The following UTRN variants were observed in gnomAD, a reference collection of about 807,000 sequenced individuals.
UTRN encodes the protein dystrophin-related protein 1.
UTRN carries 283 observed loss-of-function variants against 463.9 expected under a neutral mutation model. The observed-to-expected ratio is 0.61, with a 90% CI of 0.55 to 0.67. The LOEUF is 0.67. Ranked by LOEUF, UTRN falls within the 30% of genes least tolerant of loss-of-function variation. UTRN has a pLI of 0.00. For missense variants in UTRN, 3,922 were observed against 4,084.3 expected, an observed-to-expected ratio of 0.96 and a Z score of 1.08; for synonymous variants, 1,442 against 1,431.5, an observed-to-expected ratio of 1.01 and a Z score of -0.17.
chr6:144,439,830 A>G (rs80029245), intron 12 of UTRN, among the ~76,000 whole-genome samples: 3,629 of 152,192 alleles, frequency 0.024, 136 homozygotes, highest in Admixed American at 0.12. Context: ...CATGTATCCA[A>G]TGACTATGCT....
intron 19 of UTRN, among the ~76,000 whole-genome samples, chr6:144,456,514 A>T (rs571609098): frequency 1.3e-5 from 2 of 152,018 alleles, no homozygotes; most frequent in African/African-American, 4.8e-5. Flanking sequence ...TTAGCTGGGC[A>T]TGGTGGCACA....
chr6:144,839,204 C>A lies in UTRN; in HGVS notation c.10097C>A (p.Ser3366Tyr). 6.2e-7 allele frequency: 1 copy of A among 1,614,072 alleles called. No individual in the cohort carries two copies. Among genetic ancestry groups the A allele is most frequent in the East Asian group, 2.2e-5 (1 of 44,874 alleles). The change falls in exon 72 of 75, where the codon TCC becomes TAC. Residue 3366 changes from serine to tyrosine, a missense_variant. Physicochemically the swap from Ser to Tyr is moderately radical, Grantham distance 144 (BLOSUM62 -2). Transcript: ENST00000367545. Reference sequence around the variant, plus strand: ...TCTGATTCCCGAATCAATGGTGTTTCCCCATGGGCTTCTCCTCAGCATTCT... The same window carrying A: ...TCTGATTCCCGAATCAATGGTGTTTACCCATGGGCTTCTCCTCAGCATTCT... Reference protein sequence around the residue: ...PESDSRINGVSPWASPQHSAL... With the variant: ...PESDSRINGVYPWASPQHSAL...
Position 144,539,425 on chromosome 6 carries a change from A to G in UTRN, c.6501A>G (p.Val2167=). 6.2e-7 allele frequency: 1 copy of G among 1,608,760 alleles called. No homozygotes were observed. The change falls in exon 45 of 75, where the codon GTA becomes GTG. Residue 2167 remains valine (V), a synonymous_variant. Transcript: ENST00000367545. ...AAATTTCAGAAAGCTTAAGGACTGT[A>G]AATATGACATGGAATAAGGTGTGTG... ...RDKISESLRT[V]NMTWNKICRE...
chr6:144,412,067 A>T (rs1301260900), intron 3 of UTRN, among the ~76,000 whole-genome samples: 3 of 152,198 alleles, frequency 2.0e-5, no homozygotes, highest in African/African-American at 7.2e-5. Context: ...CACAGAGTTG[A>T]ATCATAAAAG....
At chr6:144,540,065 T>G (rs1258835031) in intron 45 of UTRN, among the ~76,000 whole-genome samples, 1 of 149,082 alleles carries the variant, frequency 6.7e-6, no homozygotes, top group Middle Eastern at 3.5e-3. Context: ...AAGAAATAAA[T>G]AAAGAAAATA....
chr6:144,310,652 C>T (rs922983315), intron 2 of UTRN, among the ~76,000 whole-genome samples: 5 of 151,860 alleles, frequency 3.3e-5, no homozygotes, highest in African/African-American at 1.2e-4. Flanking sequence ...GGGGGGCGTG[C>T]CTGTAATCCC....
At chr6:144,850,911 T>G in intron 74 of UTRN, 78 bp from the exon 75 acceptor site, 1 of 1,588,048 alleles carries the variant, frequency 6.3e-7, no homozygotes, top group Non-Finnish European at 8.6e-7. Context: ...ACTTTTATTT[T>G]CTTGAAGAAT....
At chr6:144,561,671 G>C (rs1206645728) in intron 50 of UTRN, among the ~76,000 whole-genome samples, 7 of 152,062 alleles carry the variant, frequency 4.6e-5, no homozygotes, top group Non-Finnish European at 1.0e-4. Context: ...TGCCTTCTGT[G>C]CTAACCTATA....
Position 144,386,888 on chromosome 6 carries a change from T to TA in UTRN, c.80-16226dup, listed in dbSNP as rs200611117. On this transcript the variant is annotated intron_variant, in intron 2 of 74. Coordinates refer to ENST00000367545, the MANE Select transcript of UTRN (RefSeq NM_007124.3). Reference sequence around the variant, plus strand: ...CAAATAAAGACAAAAAAACTCAATATAAAAAAAAACCAAAAACCACTTCCG... The same window carrying TA: ...CAAATAAAGACAAAAAAACTCAATATAAAAAAAAAACCAAAAACCACTTCCG... 4.9e-3 allele frequency among the ~76,000 whole-genome samples: 741 copies of TA among 151,414 alleles called. 5 individuals are homozygous for TA. Among genetic ancestry groups the TA allele is most frequent in the African/African-American group, 0.017 (691 of 41,294 alleles).
At chr6:144,792,416 G>C (rs992501432) in intron 62 of UTRN, among the ~76,000 whole-genome samples, 1 of 152,110 alleles carries the variant, frequency 6.6e-6, no homozygotes, top group Non-Finnish European at 1.5e-5. Flanking sequence ...GTGTGGTGGT[G>C]CATGCCTGTA....
intron 69 of UTRN, among the ~76,000 whole-genome samples, chr6:144,829,592 A>G (rs1355131197): frequency 6.6e-6 from 1 of 151,902 alleles, no homozygotes; most frequent in Non-Finnish European, 1.5e-5. Flanking sequence ...AATAATATCT[A>G]AAAGACTAAT....
In UTRN at chr6:144,720,958, G is replaced by A. The variant is rs575436020; in HGVS notation, c.7810-9399G>A. Among the ~76,000 whole-genome samples, 9 of 152,080 alleles carry A rather than the reference G, an allele frequency of 5.9e-5. No homozygotes were observed. The East Asian group carries it at 1.2e-3, about 20-fold the overall frequency. Reference sequence around the variant, plus strand: ...ATTTTTGCCTTCTCTTATGCCTAACGTATTTTTATATATTGTATATATTTG... The same window carrying A: ...ATTTTTGCCTTCTCTTATGCCTAACATATTTTTATATATTGTATATATTTG... On this transcript the variant is annotated intron_variant, in intron 53 of 74. Transcript: ENST00000367545.
At chr6:144,847,266 G>A (rs1013700435) in intron 74 of UTRN, among the ~76,000 whole-genome samples, 2 of 152,176 alleles carry the variant, frequency 1.3e-5, no homozygotes, top group Non-Finnish European at 2.9e-5. Context: ...GTTGGCAGCT[G>A]TACCCTTATG....
At chr6:144,806,602 CAGAGAAAG>C in intron 65 of UTRN, among the ~76,000 whole-genome samples, 1 of 102,090 alleles carries the variant, frequency 9.8e-6, no homozygotes, top group Non-Finnish European at 2.2e-5. Flanking sequence ...TCTGAAGCCA[CAGAGAAAG>C]ATGCATCTCT....
chr6:144,428,701 A>G, intron 7 of UTRN, 77 bp from the exon 8 acceptor site: 1 of 724,428 alleles, frequency 1.4e-6, no homozygotes, highest in Non-Finnish European at 2.1e-6. Flanking sequence ...TAAAACTAAA[A>G]TGTATTAGAT....
chr6:144,496,660 T>C (rs539610544), intron 33 of UTRN, among the ~76,000 whole-genome samples: 3 of 152,230 alleles, frequency 2.0e-5, no homozygotes, highest in Non-Finnish European at 4.4e-5. Context: ...TATCTCGTTG[T>C]CTAATGGAAC....
At chr6:144,719,326 C>G (rs1309934386) in intron 53 of UTRN, among the ~76,000 whole-genome samples, 1 of 152,132 alleles carries the variant, frequency 6.6e-6, no homozygotes, top group East Asian at 1.9e-4. Context: ...TGCCTGTGAT[C>G]ATAGCACTTT....
At chr6:144,666,242 G>C (rs1780384645) in intron 51 of UTRN, among the ~76,000 whole-genome samples, 1 of 152,138 alleles carries the variant, frequency 6.6e-6, no homozygotes, top group Admixed American at 6.5e-5. Flanking sequence ...AGTGATCTAC[G>C]AAGAAACATG....
intron 39 of UTRN, among the ~76,000 whole-genome samples, chr6:144,518,066 T>C (rs1348707670): frequency 6.6e-6 from 1 of 152,230 alleles, no homozygotes; most frequent in Non-Finnish European, 1.5e-5. Context: ...AGTTAGATAT[T>C]GCTCTACCAG....
Sources: allele counts gnomAD v4.1 joint callset (sites outside exome capture counted in the v4.1 genomes callset), GRCh38; gene constraint gnomAD v4.1.1; transcripts MANE v1.5; gene names NCBI Gene and HGNC (gene_info 2026-07-23, HGNC 2026-07-21).